Variants in TMEM131 observed in about 807,000 individuals in gnomAD.
TMEM131 encodes the protein transmembrane protein 131, also known as 2610524E03Rik.
TMEM131 carries 66 observed loss-of-function variants against 211.6 expected under a neutral mutation model. The observed-to-expected ratio is 0.31, with a 90% confidence interval of 0.26 to 0.38. The LOEUF (loss-of-function observed/expected upper bound fraction) is 0.38, where lower values mean the gene tolerates loss of function less well. Among genes scored for constraint, TMEM131 ranks in the 10% least tolerant of loss-of-function variants. TMEM131 has a pLI of 1.00. For missense variants in TMEM131, 2,036 were observed against 2,299.3 expected, an observed-to-expected ratio of 0.89 and a Z score of 2.34; for synonymous variants, 844 against 841.3, an observed-to-expected ratio of 1.00 and a Z score of -0.06.
chr2:97,978,947 A>G (rs1679666837), intron 1 of TMEM131, among the ~76,000 whole-genome samples: 1 of 152,224 alleles, frequency 6.6e-6, no homozygotes, highest in South Asian at 2.1e-4. Flanking sequence ...TTTTTAAAAT[A>G]AGACATGAAA....
rs553450971 is a variant in TMEM131, at chr2:97,779,973, T to C, written c.4145-3955A>G. Among the ~76,000 whole-genome samples, 12 of 152,176 alleles carry C rather than the reference T, an allele frequency of 7.9e-5. No homozygotes were observed. The South Asian group carries it at 1.0e-3, about 13-fold the overall frequency. On this transcript the variant is annotated intron_variant, in intron 31 of 40. Coordinates refer to ENST00000186436, the MANE Select transcript of TMEM131 (RefSeq NM_015348.2). ...AGTTTGAGGTTATAGTGAGTTATGA[T>C]TGCACCACTGCACTCCATCCTGGGT...
At chr2:97,841,624 T>C (rs934362607) in intron 7 of TMEM131, among the ~76,000 whole-genome samples, 191 bp downstream of exon 7, 15 of 11,980 alleles carry the variant, frequency 1.3e-3, no homozygotes, top group Non-Finnish European at 3.2e-4. Flanking sequence ...ACTGCTGTAT[T>C]CCAAAATTCA....
intron 20 of TMEM131, 23 bp from the exon 21 acceptor site, chr2:97,805,474 C>G: frequency 6.2e-7 from 1 of 1,613,746 alleles, no homozygotes; most frequent in Non-Finnish European, 8.5e-7. Context: ...ACAGGAGAAC[C>G]ATGAATCCCA....
intron 1 of TMEM131, among the ~76,000 whole-genome samples, chr2:97,942,729 G>T (rs867289383): frequency 6.6e-6 from 1 of 151,956 alleles, no homozygotes; most frequent in Non-Finnish European, 1.5e-5. Flanking sequence ...TCCCCGCAAA[G>T]AATAGCCTAG....
At chr2:97,810,564 T>C (rs894365330) in intron 18 of TMEM131, among the ~76,000 whole-genome samples, 9 of 152,226 alleles carry the variant, frequency 5.9e-5, no homozygotes, top group South Asian at 2.1e-4. Flanking sequence ...CTTTTAGATA[T>C]ACAATTAAAA....
intron 1 of TMEM131, among the ~76,000 whole-genome samples, chr2:97,965,262 C>A (rs765846734): frequency 6.6e-6 from 1 of 152,150 alleles, no homozygotes; most frequent in Non-Finnish European, 1.5e-5. Context: ...GAATGACTGA[C>A]GAGTTCTCCT....
intron 5 of TMEM131, among the ~76,000 whole-genome samples, chr2:97,845,592 T>G (rs1236792488): frequency 6.6e-6 from 1 of 152,184 alleles, no homozygotes; most frequent in Non-Finnish European, 1.5e-5. Flanking sequence ...AAGCAATACT[T>G]GGAAGAAAAT....
intron 6 of TMEM131, among the ~76,000 whole-genome samples, chr2:97,842,882 T>C (rs767607503): frequency 6.6e-6 from 1 of 152,180 alleles, no homozygotes; most frequent in Non-Finnish European, 1.5e-5. Flanking sequence ...AAGATCTGTC[T>C]AGCACTTCAA....
intron 1 of TMEM131, among the ~76,000 whole-genome samples, chr2:97,959,283 A>T (rs535715226): frequency 7.2e-5 from 11 of 152,186 alleles, no homozygotes; most frequent in Non-Finnish European, 1.5e-4. Context: ...GTCTGTTTCA[A>T]TGAGCTAAGA....
chr2:97,772,409 T>C lies in TMEM131; in HGVS notation c.4336A>G (p.Lys1446Glu). Residue 1446 changes from lysine (K) to glutamate (E), a missense_variant, in exon 33 of 41, where the codon AAG (lysine) becomes GAG (glutamate). This residue lies in a region of TMEM131 where 1,623 missense variants were observed against 1,805.9 expected (regional missense o/e 0.90). Transcript: ENST00000186436. ...TTTTCAGGCATGGCTTGTTTTCCCT[T>C]TTGCTTTTCTGTATCCTGTAAAAAA... ...PLLKEDTEKQKGKQAMPEKHE... is the reference protein window; with the variant it reads ...PLLKEDTEKQEGKQAMPEKHE... 6.2e-7 allele frequency: 1 copy of C among 1,612,020 alleles called. No homozygotes were observed. The highest frequency in any genetic ancestry group is 8.5e-7 in the Non-Finnish European group (1 of 1,179,498).
At position 97,969,759 on chromosome 2, in the gene TMEM131, T is replaced by A. The variant is rs144276122; in HGVS notation, c.187+25717A>T. Among the ~76,000 whole-genome samples, 221 of 152,354 alleles carry A rather than the reference T, an allele frequency of 1.5e-3. 1 individual carries two copies. The highest frequency in any genetic ancestry group is 2.7e-3 in the Admixed American group (41 of 15,302). ...GAACTATGAAACTGAAAGCCACGCA[T>A]ATTCTCCTACAAGTAGCTGATATCT... On this transcript the variant is annotated intron_variant, in intron 1 of 40. Transcript: ENST00000186436.
chr2:97,792,302 A>C (rs1680533314), intron 31 of TMEM131, 84 bp downstream of exon 31: 1 of 1,186,468 alleles, frequency 8.4e-7, no homozygotes, highest in African/African-American at 1.5e-5. Context: ...GTTGTTTACC[A>C]CAACTATAAT....
At chr2:97,782,376 C>T (rs937560554) in intron 31 of TMEM131, among the ~76,000 whole-genome samples, 1 of 152,196 alleles carries the variant, frequency 6.6e-6, no homozygotes, top group African/African-American at 2.4e-5. Context: ...CAGAGAAAGC[C>T]AGTTAAAACA....
intron 4 of TMEM131, among the ~76,000 whole-genome samples, chr2:97,883,785 T>C (rs2104223691): frequency 6.6e-6 from 1 of 152,220 alleles, no homozygotes; most frequent in East Asian, 1.9e-4. Flanking sequence ...TAACAGAAAA[T>C]TCAATGGAAT....
At chr2:97,837,313 G>A (rs1373712476) in intron 7 of TMEM131, among the ~76,000 whole-genome samples, 156 bp from the exon 8 acceptor site, 3 of 152,202 alleles carry the variant, frequency 2.0e-5, no homozygotes, top group African/African-American at 7.2e-5. Context: ...TAAATTCAGT[G>A]CTCTGTATGT....
intron 32 of TMEM131, among the ~76,000 whole-genome samples, chr2:97,773,171 C>T (rs1679545240): frequency 6.6e-6 from 1 of 152,226 alleles, no homozygotes. Context: ...CCAAAGGGGC[C>T]ATGCTCGCCT....
chr2:97,919,803 C>G (rs1676666936), intron 2 of TMEM131, among the ~76,000 whole-genome samples: 1 of 152,232 alleles, frequency 6.6e-6, no homozygotes, highest in Admixed American at 6.5e-5. Flanking sequence ...CTCCTGACCT[C>G]AAGTGATCCA....
At chr2:97,984,324 T>C (rs574962155) in intron 1 of TMEM131, among the ~76,000 whole-genome samples, 1 of 152,304 alleles carries the variant, frequency 6.6e-6, no homozygotes, top group East Asian at 1.9e-4. Flanking sequence ...CTTTCCTAAT[T>C]CCATAAGAAG....
chr2:97,962,889 A>G (rs944170811), intron 1 of TMEM131, among the ~76,000 whole-genome samples: 2 of 152,236 alleles, frequency 1.3e-5, no homozygotes, highest in African/African-American at 4.8e-5. Context: ...GCAAACTGAA[A>G]CAAGTCAAAA....
Sources: allele counts gnomAD v4.1 joint callset (sites outside exome capture counted in the v4.1 genomes callset), GRCh38; gene constraint gnomAD v4.1.1; regional missense constraint gnomAD v4.1.1; transcripts MANE v1.5; gene names NCBI Gene and HGNC (gene_info 2026-07-23, HGNC 2026-07-21).